The following TMEM63C variants were observed in gnomAD, a reference collection of about 807,000 sequenced individuals.
TMEM63C encodes the protein osmosensitive cation channel TMEM63C.
TMEM63C carries 32 observed loss-of-function variants against 99.2 expected under a neutral mutation model. That is an observed-to-expected ratio of 0.32 (90% CI 0.24 to 0.43). The LOEUF is 0.43. TMEM63C is among the 20% of genes least tolerant of loss of function. The probability of loss-of-function intolerance (pLI) is 1.00; values close to 1 mark genes in which losing one functional copy is unlikely to be tolerated. For missense variants in TMEM63C, 826 were observed against 1,053.0 expected (o/e 0.78, Z 2.98); for synonymous variants, 376 against 397.9 (o/e 0.94, Z 0.66).
chr14:77,241,755 C>A (rs185653039), intron 13 of TMEM63C, among the ~76,000 whole-genome samples: 1 of 152,220 alleles, frequency 6.6e-6, no homozygotes, highest in East Asian at 1.9e-4. Context: ...AAGCAATACA[C>A]CTACCTAAGG....
rs440192 is a variant in TMEM63C, at chr14:77,213,429, C to T, written c.-76-17C>T. On this transcript the variant is annotated splice_polypyrimidine_tract_variant and intron_variant, in intron 1 of 23. Coordinates refer to ENST00000298351, the MANE Select transcript of TMEM63C (RefSeq NM_020431.4). ...TGTAAGTCTTGTGGTCTCTCCACCG[C>T]GTGTGTTCTTTTGCAGCAGCCCCGT... 0.98 allele frequency: 149,400 copies of T among 152,366 alleles called. 73,315 individuals carry two copies. The highest frequency in any genetic ancestry group is 1 in the Middle Eastern group (294 of 294). 9.4% of individuals were successfully genotyped at this position (152,366 alleles called of 1,614,324 possible).
intron 21 of TMEM63C, among the ~76,000 whole-genome samples, chr14:77,250,824 T>A (rs1273482890): frequency 6.6e-6 from 1 of 152,216 alleles, no homozygotes; most frequent in Non-Finnish European, 1.5e-5. Context: ...GACTTCATTT[T>A]TTCCATAATG....
chr14:77,231,841 G>A, intron 7 of TMEM63C, 111 bp downstream of exon 7: 1 of 1,262,568 alleles, frequency 7.9e-7, no homozygotes, highest in Non-Finnish European at 1.1e-6. Flanking sequence ...TCCTGCCTCT[G>A]GGAGTTTGTT....
In TMEM63C at chr14:77,219,640, G is replaced by C. The variant is rs1410937984; in HGVS notation, c.230+63G>C. ...TGGGGAAAACCTGTTGCCATGGCCA[G>C]GACGCAGCTCTGCCCAGCGCCCGAG... On this transcript the variant is annotated intron_variant, in intron 4 of 23. Coordinates refer to ENST00000298351, the MANE Select transcript of TMEM63C (RefSeq NM_020431.4). 3 of 1,559,150 alleles carry C rather than the reference G, an allele frequency of 1.9e-6. No individual in the cohort carries two copies. In the East Asian group the frequency reaches 6.7e-5, roughly 35 times the overall value.
At chr14:77,231,448 A>G (rs1413112302) in intron 6 of TMEM63C, 140 bp from the exon 7 acceptor site, 1 of 830,014 alleles carries the variant, frequency 1.2e-6, no homozygotes, top group African/African-American at 1.8e-5. Flanking sequence ...GTTGCCTTAT[A>G]TATGAGATAT....
At chr14:77,241,311 C>T (rs1163004566) in intron 13 of TMEM63C, among the ~76,000 whole-genome samples, 2 of 152,170 alleles carry the variant, frequency 1.3e-5, no homozygotes, top group East Asian at 3.9e-4. Context: ...GCTCTGTTTG[C>T]CCTTCTCCTG....
intron 8 of TMEM63C, among the ~76,000 whole-genome samples, chr14:77,234,039 C>G (rs1394412580): frequency 2.6e-5 from 4 of 152,174 alleles, no homozygotes; most frequent in Non-Finnish European, 4.4e-5. Context: ...GCTCTCTAAG[C>G]TCCTTCCCCT....
At chr14:77,247,437 G>A in intron 18 of TMEM63C, among the ~76,000 whole-genome samples, 1 of 152,156 alleles carries the variant, frequency 6.6e-6, no homozygotes, top group South Asian at 2.1e-4. Context: ...CTGGCCTCAA[G>A]TGATCTGCCC....
intron 8 of TMEM63C, among the ~76,000 whole-genome samples, chr14:77,235,063 A>G (rs970417133): frequency 6.6e-6 from 1 of 152,162 alleles, no homozygotes; most frequent in Non-Finnish European, 1.5e-5. Context: ...AACCACATGC[A>G]TGGCTATGTG....
chr14:77,224,739 C>T (rs1888787076), intron 5 of TMEM63C, among the ~76,000 whole-genome samples: 1 of 152,150 alleles, frequency 6.6e-6, no homozygotes, highest in South Asian at 2.1e-4. Context: ...TGCCACCAAA[C>T]CACGCCAGGT....
chr14:77,235,469 C>T (rs1278487260), intron 8 of TMEM63C, among the ~76,000 whole-genome samples: 1 of 1,244 alleles, frequency 8.0e-4, no homozygotes. Context: ...TCTGGGGAGA[C>T]TGTGGTGGGT....
At chr14:77,217,870 T>A (rs1028463201) in intron 2 of TMEM63C, among the ~76,000 whole-genome samples, 2 of 152,062 alleles carry the variant, frequency 1.3e-5, no homozygotes, top group Non-Finnish European at 2.9e-5. Flanking sequence ...CAGCTATTTG[T>A]GGGGGCAAAA....
At chr14:77,240,068 A>G (rs954057923) in intron 12 of TMEM63C, among the ~76,000 whole-genome samples, 1 of 152,198 alleles carries the variant, frequency 6.6e-6, no homozygotes, top group Non-Finnish European at 1.5e-5. Context: ...ATTTGAAGGC[A>G]ACAGCTTGTC....
intron 16 of TMEM63C, among the ~76,000 whole-genome samples, chr14:77,244,948 C>T (rs1351514051): frequency 6.6e-6 from 1 of 152,214 alleles, no homozygotes; most frequent in Non-Finnish European, 1.5e-5. Context: ...ATTTGTTAGC[C>T]TTGATGGTTC....
chr14:77,224,276 G>T (rs947798570), intron 5 of TMEM63C, among the ~76,000 whole-genome samples: 1 of 151,994 alleles, frequency 6.6e-6, no homozygotes, highest in African/African-American at 2.4e-5. Context: ...GATGTCCTTT[G>T]CTCCCCTCGG....
intron 1 of TMEM63C, among the ~76,000 whole-genome samples, chr14:77,188,150 C>A (rs1485324336): frequency 2.0e-5 from 3 of 152,180 alleles, no homozygotes; most frequent in African/African-American, 7.2e-5. Flanking sequence ...CGTCAAAGCC[C>A]AATTCAAATG....
intron 23 of TMEM63C, among the ~76,000 whole-genome samples, chr14:77,255,027 G>A (rs1004434698): frequency 1.3e-5 from 2 of 152,184 alleles, no homozygotes; most frequent in Admixed American, 1.3e-4. Flanking sequence ...ATCTTGCTCT[G>A]TTGTTCAGGC....
chr14:77,194,338 G>A (rs1163294660), intron 1 of TMEM63C, among the ~76,000 whole-genome samples: 1 of 5,052 alleles, frequency 2.0e-4, no homozygotes, highest in African/African-American at 6.8e-4. Context: ...ATATATATAT[G>A]TGTGTGTGTG....
rs528962577 is a variant in TMEM63C at position 77,215,361 on chromosome 14, G to A, written c.-14+1853G>A. 3.3e-5 allele frequency among the ~76,000 whole-genome samples: 5 copies of A among 152,188 alleles called. No individual in the cohort carries two copies. In the South Asian group the frequency reaches 1.0e-3, roughly 32 times the overall value. On this transcript the variant is annotated intron_variant, in intron 2 of 23. Transcript: ENST00000298351. ...CGCACCTGTAATCCCAGCACTTTGG[G>A]AGGCCGAGGTGGGTGGGTCACCTGA...
Sources: allele counts gnomAD v4.1 joint callset (sites outside exome capture counted in the v4.1 genomes callset), GRCh38; gene constraint gnomAD v4.1.1; transcripts MANE v1.5; gene names NCBI Gene and HGNC (gene_info 2026-07-23, HGNC 2026-07-21).